LRP1B: variants seen among roughly 807,000 people sequenced by gnomAD.
The protein encoded by LRP1B is low-density lipoprotein receptor-related protein 1B.
LRP1B carries 217 observed loss-of-function variants against 556.6 expected under a neutral mutation model. The ratio of observed to expected loss-of-function variants is 0.39; its 90% CI spans 0.35 to 0.44. LRP1B has a LOEUF of 0.44. Among genes scored for constraint, LRP1B ranks in the 20% least tolerant of loss-of-function variants. LRP1B has a pLI of 1.00. For synonymous variants in LRP1B, 2,047 were observed against 1,865.8 expected (o/e 1.10, Z -2.50); for missense variants, 5,053 against 5,620.8 (o/e 0.90, Z 3.23).
chr2:140,242,862 TA>T (rs1681009798), intron 87 of LRP1B, among the ~76,000 whole-genome samples: 1 of 151,204 alleles, frequency 6.6e-6, no homozygotes, highest in South Asian at 2.1e-4. Flanking sequence ...GCAATTGTAC[TA>T]TTTTTTTCTT....
At chr2:141,350,087 A>G (rs1688391376) in intron 3 of LRP1B, among the ~76,000 whole-genome samples, 1 of 152,036 alleles carries the variant, frequency 6.6e-6, no homozygotes. Flanking sequence ...AGATTTCATG[A>G]GACCCCCTCA....
intron 2 of LRP1B, among the ~76,000 whole-genome samples, chr2:141,753,010 A>G (rs888582576): frequency 7.6e-5 from 11 of 145,012 alleles, no homozygotes; most frequent in Admixed American, 7.0e-4. Flanking sequence ...GCACATTGGG[A>G]GGCCGAGGCA....
intron 2 of LRP1B, among the ~76,000 whole-genome samples, chr2:141,537,873 C>A (rs1349237303): frequency 6.6e-6 from 1 of 151,928 alleles, no homozygotes; most frequent in East Asian, 1.9e-4. Context: ...AAATATATAC[C>A]TTTTCAGACT....
At chr2:140,307,776 T>A (rs1684128656) in intron 83 of LRP1B, among the ~76,000 whole-genome samples, 1 of 151,754 alleles carries the variant, frequency 6.6e-6, no homozygotes. Context: ...TCAGTGATAA[T>A]AAGTAATGTA....
intron 80 of LRP1B, among the ~76,000 whole-genome samples, chr2:140,325,556 G>A (rs1680429423): frequency 6.6e-6 from 1 of 152,088 alleles, no homozygotes; most frequent in South Asian, 2.1e-4. Flanking sequence ...GTTTGTTCAA[G>A]TCAAGATGGA....
intron 6 of LRP1B, among the ~76,000 whole-genome samples, chr2:141,210,939 G>A (rs1468529503): frequency 2.0e-5 from 3 of 152,170 alleles, no homozygotes; most frequent in Non-Finnish European, 4.4e-5. Context: ...TAACAATAAA[G>A]ACAAATTTAT....
chr2:140,254,991 T>C (rs1260724251), intron 86 of LRP1B, among the ~76,000 whole-genome samples: 2 of 152,148 alleles, frequency 1.3e-5, no homozygotes, highest in Non-Finnish European at 1.5e-5. Flanking sequence ...AACTACACTC[T>C]CAAAATATGT....
intron 1 of LRP1B, among the ~76,000 whole-genome samples, chr2:142,022,304 T>G (rs1472733475): frequency 1.4e-5 from 2 of 147,116 alleles, no homozygotes; most frequent in Non-Finnish European, 3.0e-5. Flanking sequence ...AGTGAAATAC[T>G]GTTTAATTAA....
intron 32 of LRP1B, among the ~76,000 whole-genome samples, chr2:140,810,885 G>A (rs763379235): frequency 2.0e-4 from 31 of 151,966 alleles, no homozygotes; most frequent in Non-Finnish European, 2.8e-4. Flanking sequence ...ACAGGCACCC[G>A]CTACCATGAC....
chr2:140,684,241 TTA>T (rs1239587825), intron 41 of LRP1B, among the ~76,000 whole-genome samples: 1 of 152,178 alleles, frequency 6.6e-6, no homozygotes, highest in Non-Finnish European at 1.5e-5. Context: ...ACTTAAAAAA[TTA>T]TGTTTCTTTT....
intron 2 of LRP1B, among the ~76,000 whole-genome samples, chr2:141,781,868 A>T (rs935633344): frequency 1.3e-5 from 2 of 152,110 alleles, no homozygotes; most frequent in African/African-American, 4.8e-5. Context: ...ATGATGATGA[A>T]GAAGATGTTA....
intron 3 of LRP1B, among the ~76,000 whole-genome samples, chr2:141,314,791 A>G (rs1391485276): frequency 9.7e-6 from 1 of 102,874 alleles, no homozygotes; most frequent in East Asian, 2.9e-4. Flanking sequence ...ACCCCGTCTC[A>G]AAAGAAAAAA....
intron 1 of LRP1B, 108 bp downstream of exon 1, chr2:142,130,540 G>A (rs1707813323): frequency 1.1e-6 from 1 of 910,796 alleles, no homozygotes; most frequent in Non-Finnish European, 1.7e-6. Context: ...CCGGTCCCGG[G>A]GAGCGGAGCT....
At position 140,575,951 on chromosome 2, in the gene LRP1B, A is replaced by AAAAAAAG. The variant is rs1553489487; in HGVS notation, c.7194+22679_7194+22680insCTTTTTT. On this transcript the variant is annotated intron_variant, in intron 43 of 90. Coordinates refer to ENST00000389484, the MANE Select transcript of LRP1B (RefSeq NM_018557.3). ...AACAAAAAACAAAAAACAAAAAAAA[A>AAAAAAAG]GTATCAAAGAACGCGTTCAGCCAAG... Among the ~76,000 whole-genome samples, 433 of 151,936 alleles carry AAAAAAAG rather than the reference A, an allele frequency of 2.8e-3. 1 individual carries two copies. Among genetic ancestry groups the AAAAAAAG allele is most frequent in the African/African-American group, 1.0e-2 (414 of 41,446 alleles).
intron 32 of LRP1B, among the ~76,000 whole-genome samples, chr2:140,780,487 C>A (rs1229363258): frequency 6.6e-6 from 1 of 152,166 alleles, no homozygotes; most frequent in Non-Finnish European, 1.5e-5. Context: ...GAGGCTAAGA[C>A]TATAACACTG....
Position 140,702,209 on chromosome 2 carries a change from C to T in LRP1B, c.6234G>A (p.Val2078=), listed in dbSNP as rs557665422. ...ACATATCCACATTGCTTCCTGACAG[C>T]ACCATCTCGCGATTCCCTCCAGTCT... ...DLETGGNREM[V]LSGSNVDMFS... The change falls in exon 39 of 91, where the codon GTG becomes GTA. Residue 2078 remains valine (V), a synonymous_variant. Transcript: ENST00000389484. The T allele has an allele frequency of 9.9e-6, 16 of 1,613,764 alleles. No homozygotes were observed. Among genetic ancestry groups the T allele is most frequent in the Middle Eastern group, 1.7e-4 (1 of 6,058 alleles).
Position 140,286,631 on chromosome 2 carries a change from G to A in LRP1B, c.12967+11177C>T, listed in dbSNP as rs533867199. Among the ~76,000 whole-genome samples, 26 of 151,840 alleles carry A rather than the reference G, an allele frequency of 1.7e-4. No individual in the cohort carries two copies. In the East Asian group the frequency reaches 1.9e-3, roughly 11 times the overall value. On this transcript the variant is annotated intron_variant, in intron 84 of 90. Transcript: ENST00000389484. ...TAAGCCCAGTCATAAAACTATTTTC[G>A]TCAGTGTTCTGATCTACTTACTTTC...
intron 2 of LRP1B, among the ~76,000 whole-genome samples, chr2:141,748,120 G>A (rs1341360978): frequency 6.6e-6 from 1 of 152,148 alleles, no homozygotes; most frequent in Non-Finnish European, 1.5e-5. Context: ...TAATCTTAAT[G>A]TCCATATGCC....
rs979868550 is a variant in LRP1B, at chr2:141,403,304, G to T, written c.343+77092C>A. Among the ~76,000 whole-genome samples, 5 of 151,966 alleles carry T rather than the reference G, an allele frequency of 3.3e-5. No individual in the cohort carries two copies. In the Middle Eastern group the frequency reaches 0.017, roughly 517 times the overall value. On this transcript the variant is annotated intron_variant, in intron 3 of 90. Coordinates refer to ENST00000389484, the MANE Select transcript of LRP1B (RefSeq NM_018557.3). ...AAAATTATCAGTTTCTATTTTGTAC[G>T]TTTTAATAGGAACATCTAAATATTT...
Sources: gnomAD v4.1 joint callset for allele counts (sites outside exome capture counted in the v4.1 genomes callset) on GRCh38, gnomAD v4.1.1 for gene constraint, MANE v1.5 for transcripts, NCBI Gene and HGNC (gene_info 2026-07-23, HGNC 2026-07-21) for gene names.